NREP: variants seen among roughly 807,000 people sequenced by gnomAD.
NREP encodes neuronal regeneration related protein, also known as neuronal regeneration-related protein.
Under a neutral mutation model 8.6 loss-of-function variants are expected in NREP, and 5 were observed. The ratio of observed to expected loss-of-function variants is 0.58; its 90% confidence interval spans 0.30 to 1.22. The LOEUF is 1.22. Among genes scored for constraint, NREP ranks in the 50% most tolerant of loss-of-function variants. The pLI is 0.07. For synonymous variants in NREP, 27 were observed against 28.0 expected, an observed-to-expected ratio of 0.96 and a Z score of 0.11; for missense variants, 86 against 82.5, an observed-to-expected ratio of 1.04 and a Z score of -0.17.
rs115262870 is a variant in NREP at position 111,824,481 on chromosome 5, G to A, written c.136-88974C>T. Among the ~76,000 whole-genome samples the A allele has an allele frequency of 7.4e-3, 1,123 of 152,312 alleles. 19 individuals carry two copies. The highest frequency in any genetic ancestry group is 0.026 in the African/African-American group (1,068 of 41,570). On this transcript the variant is annotated intron_variant, in intron 2 of 3. Transcript: ENST00000395634. ...AAGAAATTAAGTAACCTAGTCATGGGCACAAAGCTAGCAAACAGAAGCATT... is the reference window on the plus strand; with the variant it reads ...AAGAAATTAAGTAACCTAGTCATGGACACAAAGCTAGCAAACAGAAGCATT...
At chr5:111,904,404 A>G (rs1754725215) in intron 2 of NREP, among the ~76,000 whole-genome samples, 1 of 152,130 alleles carries the variant, frequency 6.6e-6, no homozygotes, top group African/African-American at 2.4e-5. Flanking sequence ...TACTTCACCC[A>G]TTCATCTTTC....
In NREP at chr5:111,755,769, C is replaced by A; in HGVS notation, c.3+1G>T. 1 of 1,613,818 alleles carries A rather than the reference C, an allele frequency of 6.2e-7. No homozygotes were observed. The highest frequency in any genetic ancestry group is 8.5e-7 in the Non-Finnish European group (1 of 1,179,754). On this transcript the variant is annotated splice_donor_variant, in intron 2 of 3. Coordinates refer to ENST00000257435, the MANE Select transcript of NREP (RefSeq NM_004772.4). LOFTEE classifies it high-confidence loss of function. The stretch of plus-strand genomic sequence containing the variant: ...AATCTCCTCTGATGACCAAGTCTTA[C>A]CATTTTGAGAATCTTAGTCTTGGGC...
intron 2 of NREP, among the ~76,000 whole-genome samples, chr5:111,913,740 C>T (rs113958126): frequency 3.2e-3 from 491 of 152,056 alleles, no homozygotes; most frequent in African/African-American, 0.011. Context: ...AAATGAATTC[C>T]CAGCTCTACC....
At chr5:111,938,749 C>T (rs912968758) in intron 2 of NREP, among the ~76,000 whole-genome samples, 1 of 152,048 alleles carries the variant, frequency 6.6e-6, no homozygotes, top group South Asian at 2.1e-4. Context: ...GCATAAAAAG[C>T]TGGTGAATAC....
At chr5:111,942,834 C>A (rs1358176355) in intron 2 of NREP, among the ~76,000 whole-genome samples, 2 of 152,028 alleles carry the variant, frequency 1.3e-5, no homozygotes, top group Non-Finnish European at 2.9e-5. Flanking sequence ...TAGTAGTAGT[C>A]AACACTAGGC....
intron 2 of NREP, among the ~76,000 whole-genome samples, chr5:111,929,529 GAC>G (rs931741203): frequency 6.6e-6 from 1 of 152,186 alleles, no homozygotes; most frequent in Admixed American, 6.5e-5. Context: ...CATATATTTA[GAC>G]AGTTTTTAAC....
intron 2 of NREP, among the ~76,000 whole-genome samples, chr5:111,914,238 C>G (rs998239722): frequency 3.3e-5 from 5 of 152,110 alleles, no homozygotes; most frequent in African/African-American, 1.2e-4. Flanking sequence ...ACAGTAACTT[C>G]TCTTAGAAGC....
chr5:111,859,641 C>T (rs997829106), intron 2 of NREP, among the ~76,000 whole-genome samples: 3 of 152,094 alleles, frequency 2.0e-5, no homozygotes, highest in African/African-American at 7.2e-5. Context: ...CCCTCTTCTA[C>T]CCTACCGTAC....
chr5:111,800,404 C>G (rs1751977240), intron 2 of NREP, among the ~76,000 whole-genome samples: 1 of 152,226 alleles, frequency 6.6e-6, no homozygotes, highest in Non-Finnish European at 1.5e-5. Context: ...GGGCATGCCA[C>G]TTGTGCCATT....
chr5:111,972,745 C>T (rs1405947959), intron 2 of NREP, among the ~76,000 whole-genome samples: 1 of 152,124 alleles, frequency 6.6e-6, no homozygotes, highest in Non-Finnish European at 1.5e-5. Context: ...CCCCCAGCTG[C>T]ACCTCACCCC....
At chr5:111,880,046 T>C (rs1754011463) in intron 2 of NREP, among the ~76,000 whole-genome samples, 1 of 152,204 alleles carries the variant, frequency 6.6e-6, no homozygotes, top group Non-Finnish European at 1.5e-5. Flanking sequence ...ATTCATTTCC[T>C]TAAGTAGAGG....
At chr5:111,849,303 A>G (rs1032243834) in intron 2 of NREP, among the ~76,000 whole-genome samples, 1 of 152,130 alleles carries the variant, frequency 6.6e-6, no homozygotes, top group African/African-American at 2.4e-5. Flanking sequence ...GCACTAGGGA[A>G]AAAACACGGT....
chr5:111,746,512 G>A (rs2112828559), intron 2 of NREP, among the ~76,000 whole-genome samples: 1 of 152,200 alleles, frequency 6.6e-6, no homozygotes, highest in African/African-American at 2.4e-5. Context: ...GTGAAGATAA[G>A]GGCTCAGAGA....
intron 2 of NREP, among the ~76,000 whole-genome samples, chr5:111,825,793 T>C (rs1280838840): frequency 2.0e-5 from 3 of 152,128 alleles, no homozygotes; most frequent in Admixed American, 6.5e-5. Flanking sequence ...TCTAACTCCA[T>C]GGTGCTTGTC....
chr5:111,861,362 G>A (rs1250983144), intron 2 of NREP, among the ~76,000 whole-genome samples: 1 of 152,158 alleles, frequency 6.6e-6, no homozygotes, highest in Non-Finnish European at 1.5e-5. Flanking sequence ...GGTGGCTACT[G>A]ATACGCCAGG....
chr5:111,962,939 C>T (rs1756519969), intron 2 of NREP, among the ~76,000 whole-genome samples: 1 of 152,240 alleles, frequency 6.6e-6, no homozygotes, highest in South Asian at 2.1e-4. Flanking sequence ...CCTTCACCAT[C>T]CTTCAAGTGT....
At chr5:111,771,950 T>A (rs777661000) in intron 2 of NREP, among the ~76,000 whole-genome samples, 142 of 152,126 alleles carry the variant, frequency 9.3e-4, no homozygotes, top group Non-Finnish European at 1.4e-3. Flanking sequence ...ATGATTTTTT[T>A]AAAAATCCAT....
chr5:111,823,940 T>C (rs1419435487), intron 2 of NREP, among the ~76,000 whole-genome samples: 1 of 152,254 alleles, frequency 6.6e-6, no homozygotes. Context: ...TAGTGTAGCA[T>C]GTATCTAAGT....
chr5:111,741,583 C>T (rs1051999011), intron 2 of NREP, among the ~76,000 whole-genome samples: 6 of 152,084 alleles, frequency 3.9e-5, no homozygotes, highest in African/African-American at 1.4e-4. Flanking sequence ...TCTCTAGAGA[C>T]GTAGTCTTAG....
Sources: gnomAD v4.1 joint callset for allele counts (sites outside exome capture counted in the v4.1 genomes callset) on GRCh38, gnomAD v4.1.1 for gene constraint, MANE v1.5 for transcripts, NCBI Gene and HGNC (gene_info 2026-07-23, HGNC 2026-07-21) for gene names.